The following ZNF284 variants were observed in gnomAD, a reference collection of about 807,000 sequenced individuals.
ZNF284 encodes zinc finger protein 284.
ZNF284 carries 12 observed loss-of-function variants against 12.9 expected under a neutral mutation model. The ratio of observed to expected loss-of-function variants is 0.93; its 90% CI spans 0.60 to 1.51. The LOEUF (loss-of-function observed/expected upper bound fraction) is 1.51, where lower values mean the gene tolerates loss of function less well. ZNF284 is among the 40% of genes most tolerant of loss of function. The pLI, the probability that ZNF284 is intolerant of heterozygous loss-of-function variation, is 0.00. For missense variants in ZNF284, 667 were observed against 707.3 expected, an observed-to-expected ratio of 0.94 and a Z score of 0.65; for synonymous variants, 225 against 236.5, an observed-to-expected ratio of 0.95 and a Z score of 0.45.
rs185243919 is a variant in ZNF284 at position 44,083,454 on chromosome 19, T to A, written c.235+1349T>A. Among the ~76,000 whole-genome samples the A allele has an allele frequency of 5.1e-4, 24 of 46,866 alleles. 2 individuals are homozygous for A. In the South Asian group the frequency reaches 6.9e-3, roughly 13 times the overall value. The allele number at this position is 46,866 out of a possible 152,430, so 30.7% of individuals were successfully genotyped here. A position where few individuals can be genotyped will look rare whatever the true frequency, so the allele number is the denominator to read the frequency against. ...GTCTCAAAAAATAAATAAAGAAATATATATATATATATATATATATAGAGA... is the reference window on the plus strand; with the variant it reads ...GTCTCAAAAAATAAATAAAGAAATAAATATATATATATATATATATAGAGA... On this transcript the variant is annotated intron_variant, in intron 4 of 4. Coordinates refer to ENST00000421176, the MANE Select transcript of ZNF284 (RefSeq NM_001037813.4).
Position 44,087,409 on chromosome 19 carries a change from ACTG to A in ZNF284, c.*153_*155del. 1.6e-6 allele frequency: 1 copy of A among 620,396 alleles called. No individual in the cohort carries two copies. The highest frequency in any genetic ancestry group is 2.6e-6 in the Non-Finnish European group (1 of 392,122). 38.4% of individuals were successfully genotyped at this position (620,396 alleles called of 1,614,324 possible). On this transcript the variant is annotated 3_prime_UTR_variant, in exon 5 of 5. Coordinates refer to ENST00000421176, the MANE Select transcript of ZNF284 (RefSeq NM_001037813.4). Reference sequence around the variant, plus strand: ...TTCTTTGTGCTTTGAACGTTCAAAAACTGCTGTTCTAGTTATTTGAAAATAAGT... The same window carrying A: ...TTCTTTGTGCTTTGAACGTTCAAAAACTGTTCTAGTTATTTGAAAATAAGT...
chr19:44,086,787 A>G lies in ZNF284; in HGVS notation c.1309A>G (p.Ile437Val), dbSNP rs766420034. ...ATGTCAGAAGTGTGGGAAGGGCTAC[A>G]TTAGTAAGTTTAATCTTGACTTGCA... is the stretch of plus-strand genomic sequence containing the variant. ...YKCQKCGKGYISKFNLDLHQR... is the reference protein window; with the variant it reads ...YKCQKCGKGYVSKFNLDLHQR... The change falls in exon 5 of 5, where the codon ATT becomes GTT. Residue 437 changes from isoleucine to valine, a missense_variant. Physicochemically the swap from Ile to Val is conservative, Grantham distance 29. Transcript: ENST00000421176. The G allele has an allele frequency of 2.9e-5, 47 of 1,614,098 alleles. No individual in the cohort carries two copies. The highest frequency in any genetic ancestry group is 3.3e-5 in the Admixed American group (2 of 60,012).
rs550263774 is a variant in ZNF284, at chr19:44,085,876, T to G, written c.398T>G (p.Val133Gly). The change falls in exon 5 of 5, where the codon GTT becomes GGT. Residue 133 changes from valine to glycine, a missense_variant. By Grantham distance (109) the Val-to-Gly change is moderately radical. Transcript: ENST00000421176. ...FSTQGDVPSQ[V>G]DAGLSIIHIG... Reference sequence around the variant, plus strand: ...ACACAAGGTGATGTCCCCTCCCAGGTTGACGCAGGACTATCTATAATTCAC... The same window carrying G: ...ACACAAGGTGATGTCCCCTCCCAGGGTGACGCAGGACTATCTATAATTCAC... 17 of 1,614,062 alleles carry G rather than the reference T, an allele frequency of 1.1e-5. No individual in the cohort carries two copies. Among genetic ancestry groups the G allele is most frequent in the African/African-American group, 4.0e-5 (3 of 74,928 alleles).
In ZNF284 at chr19:44,085,735, T is replaced by G; in HGVS notation, c.257T>G (p.Leu86Trp). 2 of 1,613,174 alleles carry G rather than the reference T, an allele frequency of 1.2e-6. No individual in the cohort carries two copies. Among genetic ancestry groups the G allele is most frequent in the Non-Finnish European group, 1.7e-6 (2 of 1,179,450 alleles). ...GNSGGKIQTELESVPETGPHE... is the reference protein window; with the variant it reads ...GNSGGKIQTEWESVPETGPHE... ...ATAGGAGGCAAGATCCAAACTGAGT[T>G]GGAGTCTGTTCCAGAAACAGGACCA... Residue 86 changes from leucine to tryptophan, a missense_variant, in exon 5 of 5, where the codon TTG becomes TGG. Physicochemically the swap from Leu to Trp is moderately conservative, Grantham distance 61. Coordinates refer to ENST00000421176, the MANE Select transcript of ZNF284 (RefSeq NM_001037813.4).
In ZNF284 at chr19:44,083,483, A is replaced by ATT. The variant is rs1967165347; in HGVS notation, c.235+1378_235+1379insTT. The stretch of plus-strand genomic sequence containing the variant: ...TATATATATATATATATAGAGAGAG[A>ATT]GAGAGAGAGAGAGAGAGAGGGAATG... On this transcript the variant is annotated intron_variant, in intron 4 of 4. Coordinates refer to ENST00000421176, the MANE Select transcript of ZNF284 (RefSeq NM_001037813.4). Among the ~76,000 whole-genome samples, 2 of 97,176 alleles carry ATT rather than the reference A, an allele frequency of 2.1e-5. 1 individual carries two copies. The highest frequency in any genetic ancestry group is 4.8e-5 in the Non-Finnish European group (2 of 41,926). 63.8% of individuals were successfully genotyped at this position (97,176 alleles called of 152,430 possible).
At chr19:44,083,450 A>AATATAT (rs1290254473) in intron 4 of ZNF284, among the ~76,000 whole-genome samples, 2,395 of 60,094 alleles carry the variant, frequency 0.04, 185 homozygotes, top group Non-Finnish European at 0.055. Flanking sequence ...TAAATAAAGA[A>AATATAT]ATATATATAT....
At position 44,086,321 on chromosome 19, in the gene ZNF284, T is replaced by C. The variant is rs757779705; in HGVS notation, c.843T>C (p.His281=). The change falls in exon 5 of 5, where the codon CAT becomes CAC. Residue 281 remains histidine, a synonymous_variant. Coordinates refer to ENST00000421176, the MANE Select transcript of ZNF284 (RefSeq NM_001037813.4). ...AGCTTCGGGAACATCAAAGAATCCA[T>C]ACTGGGGAGAAGCCATTCAAATGTT... ...NSQLREHQRI[H]TGEKPFKCYI... is the part of the protein sequence containing the mutation. The C allele has an allele frequency of 1.2e-5, 19 of 1,614,058 alleles. No homozygotes were observed. Among genetic ancestry groups the C allele is most frequent in the African/African-American group, 1.3e-5 (1 of 74,938 alleles).
chr19:44,076,315 G>A lies in ZNF284; in HGVS notation c.-68-7G>A. The stretch of plus-strand genomic sequence containing the variant: ...TTTTTTTTTTTGCCTTCCATGGCAT[G>A]TTTCAGGCACAATTCTGTCTTCTCT... On this transcript the variant is annotated splice_region_variant and splice_polypyrimidine_tract_variant and intron_variant, in intron 1 of 4. Coordinates refer to ENST00000421176, the MANE Select transcript of ZNF284 (RefSeq NM_001037813.4). 7.1e-7 allele frequency: 1 copy of A among 1,410,674 alleles called. No homozygotes were observed. Among genetic ancestry groups the A allele is most frequent in the Non-Finnish European group, 9.7e-7 (1 of 1,026,846 alleles). 87.4% of individuals were successfully genotyped at this position (1,410,674 alleles called of 1,614,324 possible).
chr19:44,080,543 A>G (rs7260493), intron 2 of ZNF284, among the ~76,000 whole-genome samples: 8,579 of 152,140 alleles, frequency 0.056, 736 homozygotes, highest in African/African-American at 0.18. Context: ...CTGAAATCGC[A>G]CCACTGCACT....
At chr19:44,079,961 A>G (rs1967095549) in intron 2 of ZNF284, among the ~76,000 whole-genome samples, 1 of 152,184 alleles carries the variant, frequency 6.6e-6, no homozygotes, top group Admixed American at 6.5e-5. Context: ...AAAATTAACT[A>G]ATGTTAATTA....
In ZNF284 at chr19:44,076,339, C is replaced by T. The variant is rs576440738; in HGVS notation, c.-51C>T. 3.7e-5 allele frequency: 59 copies of T among 1,580,182 alleles called. No individual in the cohort carries two copies. The African/African-American group carries it at 7.9e-4, about 21-fold the overall frequency. On this transcript the variant is annotated 5_prime_UTR_variant, in exon 2 of 5. Transcript: ENST00000421176. ...TGTTTCAGGCACAATTCTGTCTTCT[C>T]TTGAACTGCATAACTGAGAACTCTG...
At position 44,086,281 on chromosome 19, in the gene ZNF284, T is replaced by C. The variant is rs1281591040; in HGVS notation, c.803T>C (p.Phe268Ser). 1 of 1,614,062 alleles carries C rather than the reference T, an allele frequency of 6.2e-7. No homozygotes were observed. Among genetic ancestry groups the C allele is most frequent in the Non-Finnish European group, 8.5e-7 (1 of 1,180,034 alleles). Residue 268 changes from phenylalanine (F) to serine (S), a missense_variant, in exon 5 of 5, where the codon TTC becomes TCC. Coordinates refer to ENST00000421176, the MANE Select transcript of ZNF284 (RefSeq NM_001037813.4). ...PHICEECGKA[F>S]IHNSQLREHQ... ...ATTTGTGAGGAATGTGGGAAGGCCTTCATTCACAATTCCCAGCTTCGGGAA... is the reference window on the plus strand; with the variant it reads ...ATTTGTGAGGAATGTGGGAAGGCCTCCATTCACAATTCCCAGCTTCGGGAA...
rs1235092375 is a variant in ZNF284 at position 44,087,248 on chromosome 19, A to C, written c.1770A>C (p.Leu590Phe). Residue 590 changes from leucine to phenylalanine, a missense_variant, in exon 5 of 5, where the codon TTA (leucine) becomes TTC (phenylalanine). Leu to Phe is a conservative substitution (Grantham distance 22). Transcript: ENST00000421176. ...LNLDMILSLF[L>F]NDI The stretch of plus-strand genomic sequence containing the variant: ...TAGATATGATTTTATCATTATTTTT[A>C]AATGATATATAATTATTGTCCATAT... 4 of 1,544,980 alleles carry C rather than the reference A, an allele frequency of 2.6e-6. No homozygotes were observed. Among genetic ancestry groups the C allele is most frequent in the Non-Finnish European group, 3.5e-6 (4 of 1,143,646 alleles).
chr19:44,084,376 C>T (rs186146532), intron 4 of ZNF284, among the ~76,000 whole-genome samples: 6 of 152,272 alleles, frequency 3.9e-5, no homozygotes, highest in South Asian at 2.1e-4. Context: ...GTCCTGTGCA[C>T]GGGCACAGGT....
rs1242441395 is a variant in ZNF284, at chr19:44,087,657, T to C, written c.*397T>C. On this transcript the variant is annotated 3_prime_UTR_variant, in exon 5 of 5. Coordinates refer to ENST00000421176, the MANE Select transcript of ZNF284 (RefSeq NM_001037813.4). The stretch of plus-strand genomic sequence containing the variant: ...TCCAGGCTTGAGTGTAGTGGCATGA[T>C]CCTTTCTCACTGCAGCCTCCACCTC... 1 of 150,598 alleles carries C rather than the reference T, an allele frequency of 6.6e-6. No individual in the cohort carries two copies. Among genetic ancestry groups the C allele is most frequent in the Non-Finnish European group, 1.4e-5 (1 of 69,170 alleles). The allele number at this position is 150,598 out of a possible 1,614,324, so 9.3% of individuals were successfully genotyped here.
At position 44,089,128 on chromosome 19, in the gene ZNF284, G is replaced by GTTTT. The variant is rs1967307283; in HGVS notation, c.*1869_*1872dup. ...TGCGCACAGCATTTTGTTTTGTTTT[G>GTTTT]TTTTGTTTTTGAGATGGGGTCTCTC... On this transcript the variant is annotated 3_prime_UTR_variant, in exon 5 of 5. Coordinates refer to ENST00000421176, the MANE Select transcript of ZNF284 (RefSeq NM_001037813.4). The GTTTT allele has an allele frequency of 6.6e-6, 1 of 150,466 alleles. No individual in the cohort carries two copies. The highest frequency in any genetic ancestry group is 2.4e-5 in the African/African-American group (1 of 40,834). The allele number at this position is 150,466 out of a possible 1,614,324, so 9.3% of individuals were successfully genotyped here.
rs200714186 is a variant in ZNF284 at position 44,086,508 on chromosome 19, A to C, written c.1030A>C (p.Lys344Gln). The change falls in exon 5 of 5, where the codon AAA (lysine) becomes CAA (glutamine). Residue 344 changes from lysine to glutamine, a missense_variant. By Grantham distance (53) the Lys-to-Gln change is moderately conservative. Transcript: ENST00000421176. The part of the protein sequence containing the change: ...CMDHTKEKLY[K>Q]CEECGRSFTC... ...GGACCACACAAAAGAGAAACTATAC[A>C]AATGTGAAGAATGTGGAAGGAGCTT... 284 of 1,614,092 alleles carry C rather than the reference A, an allele frequency of 1.8e-4. 1 individual carries two copies. Among genetic ancestry groups the C allele is most frequent in the Middle Eastern group, 1.6e-4 (1 of 6,084 alleles).
chr19:44,086,851 A>G lies in ZNF284; in HGVS notation c.1373A>G (p.Lys458Arg). The change falls in exon 5 of 5, where the codon AAG becomes AGG. Residue 458 changes from lysine to arginine, a missense_variant. By Grantham distance (26) the Lys-to-Arg change is conservative. Transcript: ENST00000421176. ...ACGGGAGAGAGACCTTATAATTGTA[A>G]GGAATGTGGAAAGAGCTTCAGGTGG... ...VHTGERPYNCKECGKSFRWAS... is the reference protein window; with the variant it reads ...VHTGERPYNCRECGKSFRWAS... 6.2e-7 allele frequency: 1 copy of G among 1,614,018 alleles called. No individual in the cohort carries two copies. Among genetic ancestry groups the G allele is most frequent in the Non-Finnish European group, 8.5e-7 (1 of 1,179,982 alleles).
chr19:44,084,735 G>A (rs1279531491), intron 4 of ZNF284, among the ~76,000 whole-genome samples: 1 of 152,150 alleles, frequency 6.6e-6, no homozygotes, highest in African/African-American at 2.4e-5. Context: ...CCTCTGGGTG[G>A]ATGTGGGGGC....
Sources: gnomAD v4.1 joint callset for allele counts (sites outside exome capture counted in the v4.1 genomes callset) on GRCh38, gnomAD v4.1.1 for gene constraint, MANE v1.5 for transcripts, NCBI Gene and HGNC (gene_info 2026-07-23, HGNC 2026-07-21) for gene names.